The following ADAM9 variants were observed in gnomAD, a reference collection of about 807,000 sequenced individuals.
ADAM9 encodes the protein disintegrin and metalloproteinase domain-containing protein 9.
A neutral mutation model predicts 108.1 loss-of-function variants in ADAM9; 54 were observed. The ratio of observed to expected loss-of-function variants is 0.50; its 90% CI spans 0.40 to 0.63. The LOEUF (loss-of-function observed/expected upper bound fraction) is 0.63, where lower values mean the gene tolerates loss of function less well. Ranked by LOEUF, ADAM9 falls within the 20% of genes least tolerant of loss-of-function variation. ADAM9 has a pLI of 0.00. For synonymous variants in ADAM9, 316 were observed against 336.0 expected, an observed-to-expected ratio of 0.94 and a Z score of 0.65; for missense variants, 830 against 997.7, an observed-to-expected ratio of 0.83 and a Z score of 2.26.
rs202170807 is a variant in ADAM9 at position 39,029,131 on chromosome 8, G to T, written c.1130+2321G>T. On this transcript the variant is annotated intron_variant, in intron 11 of 21. Transcript: ENST00000487273. ...GAAGAGCCAAAAAAGTGTTGTTGTT[G>T]TTTTTTTTTTTTTTTGGTTGACTTG... Among the ~76,000 whole-genome samples, 132 of 142,558 alleles carry T rather than the reference G, an allele frequency of 9.3e-4. 1 individual carries two copies. The highest frequency in any genetic ancestry group is 3.1e-3 in the African/African-American group (120 of 38,836). 93.5% of individuals were successfully genotyped at this position (142,558 alleles called of 152,430 possible).
At chr8:39,002,578 C>T (rs547454895) in intron 1 of ADAM9, among the ~76,000 whole-genome samples, 82 of 152,028 alleles carry the variant, frequency 5.4e-4, no homozygotes, top group African/African-American at 1.9e-3. Flanking sequence ...GCCTCGGCCT[C>T]CCAAATTGCT....
At chr8:39,086,229 G>A (rs1839177762) in intron 18 of ADAM9, among the ~76,000 whole-genome samples, 1 of 152,082 alleles carries the variant, frequency 6.6e-6, no homozygotes, top group Non-Finnish European at 1.5e-5. Context: ...TGGCCAGGCT[G>A]GTCTCAAAGT....
chr8:39,073,442 T>C (rs1303670207), intron 15 of ADAM9, among the ~76,000 whole-genome samples: 2 of 152,222 alleles, frequency 1.3e-5, no homozygotes, highest in African/African-American at 2.4e-5. Flanking sequence ...TTCTGGAATA[T>C]TCTTTTGAAG....
intron 11 of ADAM9, among the ~76,000 whole-genome samples, chr8:39,041,115 G>A (rs1321600217): frequency 1.3e-5 from 2 of 152,032 alleles, no homozygotes; most frequent in Non-Finnish European, 2.9e-5. Flanking sequence ...AATGTGACAT[G>A]GATTCCTCAA....
chr8:39,075,407 T>C (rs537289567), intron 15 of ADAM9, among the ~76,000 whole-genome samples: 36 of 152,264 alleles, frequency 2.4e-4, no homozygotes, highest in African/African-American at 8.7e-4. Flanking sequence ...GAGTGATGAG[T>C]TTGTGCCATA....
intron 14 of ADAM9, among the ~76,000 whole-genome samples, chr8:39,064,462 C>T (rs779235898): frequency 1.3e-5 from 2 of 152,012 alleles, no homozygotes; most frequent in East Asian, 1.9e-4. Context: ...TTGGCTCATG[C>T]GATTATGGTA....
At chr8:39,097,127 C>A (rs184638698) in intron 20 of ADAM9, among the ~76,000 whole-genome samples, 1 of 152,242 alleles carries the variant, frequency 6.6e-6, no homozygotes, top group East Asian at 1.9e-4. Flanking sequence ...GATTTTGCAG[C>A]CTTGTTTTGT....
intron 14 of ADAM9, among the ~76,000 whole-genome samples, chr8:39,068,083 T>A (rs1838546735): frequency 6.6e-6 from 1 of 152,188 alleles, no homozygotes; most frequent in Non-Finnish European, 1.5e-5. Flanking sequence ...AAGTTTTCTT[T>A]CTTCTGCGTA....
chr8:39,027,796 T>G (rs1347980904), intron 11 of ADAM9, among the ~76,000 whole-genome samples: 1 of 152,000 alleles, frequency 6.6e-6, no homozygotes, highest in Non-Finnish European at 1.5e-5. Context: ...CTTTAACAAA[T>G]ACAGGACGGA....
chr8:39,055,513 A>C, intron 13 of ADAM9, 64 bp from the exon 14 acceptor site: 1 of 1,522,080 alleles, frequency 6.6e-7, no homozygotes, highest in Non-Finnish European at 9.1e-7. Context: ...CTGTGGTTTC[A>C]CATTTGATTA....
chr8:39,080,949 T>TG (rs35325138), intron 16 of ADAM9, among the ~76,000 whole-genome samples: 1 of 36,222 alleles, frequency 2.8e-5, no homozygotes, highest in East Asian at 2.7e-3. Context: ...ACTGTGAGAG[T>TG]TTTTTTTTTT....
chr8:38,997,370 G>A (rs548024945), intron 1 of ADAM9, among the ~76,000 whole-genome samples: 1 of 152,258 alleles, frequency 6.6e-6, no homozygotes, highest in Admixed American at 6.5e-5. Context: ...CGGGTCCTCT[G>A]CCCGGCACCG....
At chr8:39,053,398 C>T (rs1838018455) in intron 12 of ADAM9, among the ~76,000 whole-genome samples, 1 of 152,082 alleles carries the variant, frequency 6.6e-6, no homozygotes, top group Non-Finnish European at 1.5e-5. Flanking sequence ...CTTGCCTGCT[C>T]CACAGTTGCA....
At chr8:39,073,980 T>C (rs1838777080) in intron 15 of ADAM9, among the ~76,000 whole-genome samples, 1 of 152,182 alleles carries the variant, frequency 6.6e-6, no homozygotes, top group Non-Finnish European at 1.5e-5. Flanking sequence ...TTTTCTGTTC[T>C]GTAAAATGGG....
intron 1 of ADAM9, among the ~76,000 whole-genome samples, chr8:38,998,791 CT>C (rs1835906488): frequency 6.6e-6 from 1 of 152,038 alleles, no homozygotes; most frequent in African/African-American, 2.4e-5. Flanking sequence ...AAGAACATGA[CT>C]TTTTAGGAAA....
chr8:39,049,115 T>C (rs1240811751), intron 12 of ADAM9, among the ~76,000 whole-genome samples: 1 of 151,990 alleles, frequency 6.6e-6, no homozygotes, highest in African/African-American at 2.4e-5. Flanking sequence ...TTGTTTTAAA[T>C]GTTTTTTGTT....
chr8:39,013,936 A>G (rs1344566466), intron 3 of ADAM9, 29 bp from the exon 4 acceptor site: 1 of 1,544,654 alleles, frequency 6.5e-7, no homozygotes, highest in Non-Finnish European at 8.9e-7. Context: ...GATAACATAT[A>G]TATAAACGGT....
At chr8:39,077,706 G>A (rs1186889883) in intron 16 of ADAM9, among the ~76,000 whole-genome samples, 3 of 152,056 alleles carry the variant, frequency 2.0e-5, no homozygotes, top group South Asian at 2.1e-4. Context: ...ACACTTTGGC[G>A]ATGTCCTGAA....
intron 14 of ADAM9, among the ~76,000 whole-genome samples, chr8:39,060,746 T>A (rs762757164): frequency 6.6e-6 from 1 of 152,222 alleles, no homozygotes; most frequent in Non-Finnish European, 1.5e-5. Context: ...TAGTGTGATA[T>A]TTTGTGGAAG....
Sources: gnomAD v4.1 joint callset for allele counts (sites outside exome capture counted in the v4.1 genomes callset) on GRCh38, gnomAD v4.1.1 for gene constraint, MANE v1.5 for transcripts, NCBI Gene and HGNC (gene_info 2026-07-23, HGNC 2026-07-21) for gene names.